Variants in USP36 observed in about 807,000 individuals in gnomAD.
USP36 encodes ubiquitin carboxyl-terminal hydrolase 36.
USP36 carries 59 observed loss-of-function variants against 111.5 expected under a neutral mutation model. That is an observed-to-expected ratio of 0.53 (90% confidence interval 0.43 to 0.66). The LOEUF (loss-of-function observed/expected upper bound fraction) is 0.66. Among genes scored for constraint, USP36 ranks in the 30% least tolerant of loss-of-function variants. USP36 has a pLI of 0.00. For missense variants in USP36, 1,488 were observed against 1,468.0 expected (o/e 1.01, Z -0.22); for synonymous variants, 628 against 581.0 (o/e 1.08, Z -1.16).
intron 16 of USP36, 49 bp from the exon 17 acceptor site, chr17:78,802,584 G>A (rs1455282575): frequency 1.3e-6 from 2 of 1,538,674 alleles, no homozygotes; most frequent in Non-Finnish European, 1.7e-6. Context: ...ATTGGAAGGG[G>A]AGCAGGAGCG....
intron 6 of USP36, 136 bp downstream of exon 6, chr17:78,827,109 G>A (rs956116092): frequency 1.3e-5 from 13 of 976,082 alleles, no homozygotes; most frequent in Non-Finnish European, 2.0e-5. Context: ...GTACCCAGAG[G>A]CAAATTCTGC....
In USP36 at chr17:78,803,466, G is replaced by T. The variant is rs545764041; in HGVS notation, c.2729C>A (p.Ala910Glu). The T allele has an allele frequency of 6.2e-7, 1 of 1,614,008 alleles. No individual in the cohort carries two copies. Among genetic ancestry groups the T allele is most frequent in the Non-Finnish European group, 8.5e-7 (1 of 1,180,020 alleles). Reference sequence around the variant, plus strand: ...TTTCCTCCTCCGCTTCCTGCTGCTCGCGTGGTGGCCGTCCGTAACACATCC... The same window carrying T: ...TTTCCTCCTCCGCTTCCTGCTGCTCTCGTGGTGGCCGTCCGTAACACATCC... ...QVGCVTDGHH[A>E]SSRKRRRKGA... The change falls in exon 16 of 21, where the codon GCG becomes GAG. Residue 910 changes from alanine to glutamate, a missense_variant. Around this residue, in one of 3 missense-constraint regions of USP36, gnomAD observed 1,073 missense variants for 994.1 expected, o/e 1.08. Coordinates refer to ENST00000449938, the MANE Select transcript of USP36 (RefSeq NM_001385174.1). This position sits in a 1 kb window ranked among gnomAD's most constrained non-coding sequence, Gnocchi z 4.6.
intron 5 of USP36, 71 bp downstream of exon 5, chr17:78,828,826 G>T: frequency 6.9e-7 from 1 of 1,458,980 alleles, no homozygotes; most frequent in South Asian, 1.2e-5. Flanking sequence ...GCAACATAGC[G>T]AGAACCCCAT....
intron 4 of USP36, among the ~76,000 whole-genome samples, chr17:78,832,216 G>A (rs762790067): frequency 6.6e-6 from 1 of 152,120 alleles, no homozygotes; most frequent in Non-Finnish European, 1.5e-5. Context: ...AAATATTAGC[G>A]CCAGAGACAG....
At chr17:78,822,266 A>C (rs2094348024) in intron 6 of USP36, among the ~76,000 whole-genome samples, 1 of 151,944 alleles carries the variant, frequency 6.6e-6, no homozygotes, top group Non-Finnish European at 1.5e-5. Flanking sequence ...ACTGCCACCC[A>C]CTTCACAGAA....
At position 78,798,846 on chromosome 17, in the gene USP36, G is replaced by C. The variant is rs1295676764; in HGVS notation, c.3240+62C>G. On this transcript the variant is annotated intron_variant, in intron 19 of 20. Transcript: ENST00000449938. This position sits in a 1 kb window ranked among gnomAD's most constrained non-coding sequence, Gnocchi z 5.1. Reference sequence around the variant, plus strand: ...ACTGCCGCCACCTCCAACTGCCCCGGCTCTGAGCTGAGCCACGCCGCCCTG... The same window carrying C: ...ACTGCCGCCACCTCCAACTGCCCCGCCTCTGAGCTGAGCCACGCCGCCCTG... 1 of 1,586,440 alleles carries C rather than the reference G, an allele frequency of 6.3e-7. No homozygotes were observed. Among genetic ancestry groups the C allele is most frequent in the Admixed American group, 1.7e-5 (1 of 59,868 alleles).
At chr17:78,829,083 G>A (rs1350627376) in intron 4 of USP36, 76 bp from the exon 5 acceptor site, 6 of 1,273,788 alleles carry the variant, frequency 4.7e-6, no homozygotes, top group Admixed American at 4.4e-5. Context: ...CACCCCAAAC[G>A]TTAACACAGC....
At position 78,807,320 on chromosome 17, in the gene USP36, C is replaced by G. The variant is rs1201243338; in HGVS notation, c.1724G>C (p.Arg575Thr). The change falls in exon 14 of 21, where the codon AGG becomes ACG. Residue 575 changes from arginine (R) to threonine (T), a missense_variant. Physicochemically the swap from Arg to Thr is moderately conservative, Grantham distance 71. Coordinates refer to ENST00000449938, the MANE Select transcript of USP36 (RefSeq NM_001385174.1). ...AGGTGAGGTAGAGAGGACAACATCC[C>G]TGCTGTCCCAGGAGCCCTGCCTTTG... ...GSQRQGSWDSRDVVLSTSPKL... is the reference protein window; with the variant it reads ...GSQRQGSWDSTDVVLSTSPKL... 6.2e-7 allele frequency: 1 copy of G among 1,614,232 alleles called. No homozygotes were observed. Among genetic ancestry groups the G allele is most frequent in the Non-Finnish European group, 8.5e-7 (1 of 1,180,030 alleles).
chr17:78,829,740 A>G (rs1013811083), intron 4 of USP36, among the ~76,000 whole-genome samples: 1 of 152,178 alleles, frequency 6.6e-6, no homozygotes, highest in African/African-American at 2.4e-5. Flanking sequence ...GCATTAGGCT[A>G]GACAGTGGTC....
rs1412815799 is a variant in USP36 at position 78,810,159 on chromosome 17, C to T, written c.1408-2523G>A. Among the ~76,000 whole-genome samples the T allele has an allele frequency of 2.0e-5, 3 of 151,872 alleles. No individual in the cohort carries two copies. In the East Asian group the frequency reaches 5.8e-4, roughly 30 times the overall value. On this transcript the variant is annotated intron_variant, in intron 13 of 20. Coordinates refer to ENST00000449938, the MANE Select transcript of USP36 (RefSeq NM_001385174.1). ...TTGTAGACAAGGTCTCACTCTGTCA[C>T]CTTGCCTGGAATTCACCAGCGTGAT...
At position 78,838,656 on chromosome 17, in the gene USP36, T is replaced by A. The variant is rs537653939; in HGVS notation, c.-79A>T. 1.2e-3 allele frequency: 177 copies of A among 151,846 alleles called. 1 individual carries two copies. The highest frequency in any genetic ancestry group is 4.2e-3 in the African/African-American group (172 of 41,346). 9.4% of individuals were successfully genotyped at this position (151,846 alleles called of 1,614,324 possible). A position where few individuals can be genotyped will look rare whatever the true frequency, so the allele number is the denominator to read the frequency against. On this transcript the variant is annotated 5_prime_UTR_variant, in exon 2 of 21. Coordinates refer to ENST00000449938, the MANE Select transcript of USP36 (RefSeq NM_001385174.1). The stretch of plus-strand genomic sequence containing the variant: ...ACCAGGATCTTAACGGAGGGCTGAG[T>A]TTGGTTGGGCAGGTGCTACGCGGAG...
chr17:78,793,028 C>G (rs374487136), downstream of USP36, among the ~76,000 whole-genome samples: 1 of 151,922 alleles, frequency 6.6e-6, no homozygotes, highest in Non-Finnish European at 1.5e-5. Flanking sequence ...CTCACCCCCC[C>G]AGGAAGGCTT....
At chr17:78,790,013 T>C (rs1004972692) in intron 3 of USP36, among the ~76,000 whole-genome samples, 9 of 152,214 alleles carry the variant, frequency 5.9e-5, no homozygotes, top group South Asian at 2.1e-4. Context: ...TCAACAAATA[T>C]TTACCGGGTG....
intron 5 of USP36, 73 bp from the exon 6 acceptor site, chr17:78,827,420 T>C (rs962177236): frequency 7.1e-7 from 1 of 1,418,080 alleles, no homozygotes; most frequent in African/African-American, 1.4e-5. Flanking sequence ...CTTTCCTGAA[T>C]GGCCATTCCT....
intron 7 of USP36, chr17:78,821,310 C>T (rs561255045): frequency 9.5e-5 from 36 of 379,492 alleles, no homozygotes; most frequent in South Asian, 2.8e-4. Flanking sequence ...CCACCACGTG[C>T]GGTACTCTCC....
intron 14 of USP36, 142 bp downstream of exon 14, chr17:78,806,817 G>C: frequency 3.3e-6 from 4 of 1,213,000 alleles, no homozygotes; most frequent in Non-Finnish European, 4.6e-6. Context: ...AAATGGCTGG[G>C]AACGACTAAA....
intron 4 of USP36, among the ~76,000 whole-genome samples, chr17:78,832,330 G>A (rs1206657160): frequency 1.3e-5 from 2 of 152,226 alleles, no homozygotes; most frequent in African/African-American, 4.8e-5. Context: ...CCATGTGCTA[G>A]GAGGGGGAGA....
intron 15 of USP36, among the ~76,000 whole-genome samples, chr17:78,804,518 C>G (rs971866527): frequency 1.9e-4 from 28 of 144,406 alleles, no homozygotes; most frequent in Non-Finnish European, 4.5e-5. Context: ...ACAAAGTTAC[C>G]TAGGTGGTGG....
intron 11 of USP36, among the ~76,000 whole-genome samples, 166 bp from the exon 12 acceptor site, chr17:78,814,039 C>T (rs763074109): frequency 3.3e-5 from 5 of 152,182 alleles, no homozygotes; most frequent in African/African-American, 4.8e-5. Context: ...TTTCATAACT[C>T]GGAATGTGAC....
Sources: allele counts gnomAD v4.1 joint callset (sites outside exome capture counted in the v4.1 genomes callset), GRCh38; gene constraint gnomAD v4.1.1; regional missense constraint gnomAD v4.1.1; non-coding constraint Gnocchi (gnomAD v3.1); transcripts MANE v1.5; gene names NCBI Gene and HGNC (gene_info 2026-07-23, HGNC 2026-07-21).